The following FMN2 variants were observed in gnomAD, a reference collection of about 807,000 sequenced individuals.
FMN2 encodes formin 2.
Under a neutral mutation model 142.3 loss-of-function variants are expected in FMN2, and 51 were observed. The observed-to-expected ratio is 0.36, with a 90% confidence interval of 0.29 to 0.45. FMN2 has a LOEUF of 0.45. FMN2 is among the 20% of genes least tolerant of loss of function. The probability of loss-of-function intolerance (pLI) is 1.00; values close to 1 mark genes in which losing one functional copy is unlikely to be tolerated. For missense variants in FMN2, 1,936 were observed against 2,122.8 expected, an observed-to-expected ratio of 0.91 and a Z score of 1.73; for synonymous variants, 882 against 869.8, an observed-to-expected ratio of 1.01 and a Z score of -0.25.
At chr1:240,437,471 TC>T (rs1675429694) in intron 15 of FMN2, among the ~76,000 whole-genome samples, 1 of 151,070 alleles carries the variant, frequency 6.6e-6, no homozygotes. Context: ...AATTTTTTTT[TC>T]TTTGTAATTT....
intron 1 of FMN2, among the ~76,000 whole-genome samples, chr1:240,096,226 A>G (rs1049015264): frequency 1.3e-5 from 2 of 152,200 alleles, no homozygotes; most frequent in Non-Finnish European, 2.9e-5. Context: ...TTTTAAGGCC[A>G]TATAGAGAGT....
chr1:240,236,982 C>G (rs542850485), intron 6 of FMN2, among the ~76,000 whole-genome samples: 92 of 152,248 alleles, frequency 6.0e-4, no homozygotes, highest in African/African-American at 2.1e-3. Flanking sequence ...AGTTAAGTGA[C>G]TTATTCTTTA....
intron 15 of FMN2, among the ~76,000 whole-genome samples, chr1:240,427,307 G>A (rs960216739): frequency 6.6e-5 from 10 of 151,758 alleles, no homozygotes; most frequent in Admixed American, 2.0e-4. Flanking sequence ...CTGGGTTCAC[G>A]CCATTCTCCT....
intron 6 of FMN2, among the ~76,000 whole-genome samples, chr1:240,250,703 C>T (rs1668247402): frequency 6.6e-6 from 1 of 151,992 alleles, no homozygotes; most frequent in Non-Finnish European, 1.5e-5. Context: ...TTGGCAGTGA[C>T]ACCATCTGGT....
intron 2 of FMN2, among the ~76,000 whole-genome samples, chr1:240,148,698 T>C (rs1448650459): frequency 6.6e-6 from 1 of 152,192 alleles, no homozygotes; most frequent in Non-Finnish European, 1.5e-5. Context: ...CTCTGTATAT[T>C]GGCCAGGTGC....
rs745902436 is a variant in FMN2 at position 240,207,365 on chromosome 1, C to T, written c.2553C>T (p.Asn851=). Residue 851 remains asparagine (N), a synonymous_variant, in exon 5 of 18, where the codon AAC becomes AAT. Coordinates refer to ENST00000319653, the MANE Select transcript of FMN2 (RefSeq NM_020066.5). The part of the protein sequence containing the change: ...HEHSVSSAFK[N]SCNIPSPPPL... ...ACTCTGTTTCCTCTGCCTTTAAAAA[C>T]AGCTGTAACATCCCATCTCCACCAC... The T allele has an allele frequency of 1.2e-6, 2 of 1,613,658 alleles. No individual in the cohort carries two copies. Among genetic ancestry groups the T allele is most frequent in the African/African-American group, 1.3e-5 (1 of 74,824 alleles).
chr1:240,468,612 G>A (rs1676711212), intron 16 of FMN2, among the ~76,000 whole-genome samples: 1 of 152,142 alleles, frequency 6.6e-6, no homozygotes, highest in Admixed American at 6.6e-5. Context: ...TGTTTGAAAT[G>A]TTATCTCCAC....
intron 7 of FMN2, among the ~76,000 whole-genome samples, chr1:240,270,542 C>T (rs759644001): frequency 1.3e-5 from 2 of 151,928 alleles, no homozygotes; most frequent in Non-Finnish European, 2.9e-5. Flanking sequence ...ACTGCCACAG[C>T]ACAAAGCTAA....
At chr1:240,160,848 T>C (rs1399640539) in intron 2 of FMN2, among the ~76,000 whole-genome samples, 1 of 151,992 alleles carries the variant, frequency 6.6e-6, no homozygotes, top group Non-Finnish European at 1.5e-5. Flanking sequence ...TCAAATACAT[T>C]TACAGATAAA....
chr1:240,352,289 T>C lies in FMN2; in HGVS notation c.4766-3527T>C, dbSNP rs537342221. Among the ~76,000 whole-genome samples, 5 of 152,218 alleles carry C rather than the reference T, an allele frequency of 3.3e-5. No individual in the cohort carries two copies. The South Asian group carries it at 8.3e-4, about 25-fold the overall frequency. Reference sequence around the variant, plus strand: ...AGTAGATAGTTGATCGATATCTGTGTCATGTGTACGTTAGAAACTGCTCAG... The same window carrying C: ...AGTAGATAGTTGATCGATATCTGTGCCATGTGTACGTTAGAAACTGCTCAG... On this transcript the variant is annotated intron_variant, in intron 13 of 17. Transcript: ENST00000319653.
intron 1 of FMN2, among the ~76,000 whole-genome samples, chr1:240,117,760 G>T (rs561819104): frequency 6.6e-6 from 1 of 152,162 alleles, no homozygotes; most frequent in African/African-American, 2.4e-5. Context: ...AAAATTAATT[G>T]ATTATCCCGT....
Position 240,208,134 on chromosome 1 carries a change from C to G in FMN2, c.3322C>G (p.Pro1108Ala). The G allele has an allele frequency of 8.0e-7, 1 of 1,250,966 alleles. No homozygotes were observed. Among genetic ancestry groups the G allele is most frequent in the South Asian group, 1.2e-5 (1 of 81,626 alleles). The allele number at this position is 1,250,966 out of a possible 1,614,324, so 77.5% of individuals were successfully genotyped here. The change falls in exon 5 of 18, where the codon CCT becomes GCT. Residue 1108 changes from proline (P) to alanine (A), a missense_variant. By Grantham distance (27) the Pro-to-Ala change is conservative. Transcript: ENST00000319653. ...PPPPLPGVGI[P>A]PPPPLPGAGI... ...GCCCCCTCTACCCGGAGTGGGCATACCTCCTCCGCCCCCTCTACCCGGAGC... is the reference window on the plus strand; with the variant it reads ...GCCCCCTCTACCCGGAGTGGGCATAGCTCCTCCGCCCCCTCTACCCGGAGC...
intron 4 of FMN2, among the ~76,000 whole-genome samples, chr1:240,193,981 C>A (rs1665813120): frequency 1.3e-5 from 2 of 152,158 alleles, no homozygotes; most frequent in Admixed American, 6.5e-5. Flanking sequence ...TCACTATTTC[C>A]TGTATGATTG....
At chr1:240,262,856 G>T in intron 7 of FMN2, among the ~76,000 whole-genome samples, 1 of 150,702 alleles carries the variant, frequency 6.6e-6, no homozygotes, top group Non-Finnish European at 1.5e-5. Flanking sequence ...CGCCTCCCAG[G>T]TTCAAGCAAT....
intron 13 of FMN2, among the ~76,000 whole-genome samples, chr1:240,336,901 A>G (rs1172703245): frequency 6.6e-6 from 1 of 151,964 alleles, no homozygotes; most frequent in African/African-American, 2.4e-5. Context: ...GCTTTTCTCA[A>G]TTTGGGGTTT....
In FMN2 at chr1:240,472,433, C is replaced by T. The variant is rs1235029751; in HGVS notation, c.5122C>T (p.Pro1708Ser). Reference sequence around the variant, plus strand: ...AGGAAAATCACTTTATAAAATAAAACCAAGACATGACTCTGGAATTGTAAG... The same window carrying T: ...AGGAAAATCACTTTATAAAATAAAATCAAGACATGACTCTGGAATTGTAAG... ...KKGKSLYKIK[P>S]RHDSGIKAKI... The change falls in exon 17 of 18, where the codon CCA becomes TCA. Residue 1708 changes from proline to serine, a missense_variant. Physicochemically the swap from Pro to Ser is moderately conservative, Grantham distance 74 (BLOSUM62 -1). Transcript: ENST00000319653. The T allele has an allele frequency of 4.3e-6, 7 of 1,609,868 alleles. No individual in the cohort carries two copies. Among genetic ancestry groups the T allele is most frequent in the Non-Finnish European group, 5.9e-6 (7 of 1,178,062 alleles).
Position 240,252,639 on chromosome 1 carries a change from G to C in FMN2, c.4066-5306G>C, listed in dbSNP as rs191068809. Among the ~76,000 whole-genome samples, 4 of 151,492 alleles carry C rather than the reference G, an allele frequency of 2.6e-5. No homozygotes were observed. The East Asian group carries it at 7.8e-4, about 30-fold the overall frequency. On this transcript the variant is annotated intron_variant, in intron 6 of 17. Coordinates refer to ENST00000319653, the MANE Select transcript of FMN2 (RefSeq NM_020066.5). The stretch of plus-strand genomic sequence containing the variant: ...AGAAATCAGCTGTTATTCTGACGGG[G>C]GGGGTGGTTCTCTTATAAGTGACTA...
intron 13 of FMN2, among the ~76,000 whole-genome samples, chr1:240,343,044 G>T (rs1671794054): frequency 6.6e-6 from 1 of 152,136 alleles, no homozygotes; most frequent in South Asian, 2.1e-4. Flanking sequence ...TTTGGACTTT[G>T]ATTATTTACT....
intron 2 of FMN2, among the ~76,000 whole-genome samples, chr1:240,155,071 T>C (rs1663965323): frequency 6.6e-6 from 1 of 151,802 alleles, no homozygotes; most frequent in Non-Finnish European, 1.5e-5. Flanking sequence ...TTGTATTTCT[T>C]GTAAAGACAG....
Sources: allele counts gnomAD v4.1 joint callset (sites outside exome capture counted in the v4.1 genomes callset), GRCh38; gene constraint gnomAD v4.1.1; transcripts MANE v1.5; gene names NCBI Gene and HGNC (gene_info 2026-07-23, HGNC 2026-07-21).